The following VXN variants were observed in gnomAD, a reference collection of about 807,000 sequenced individuals.
VXN encodes the protein uncharacterized protein C8orf46.
In VXN, 7 loss-of-function variants were observed where a neutral mutation model predicts 23.1. The observed-to-expected ratio is 0.30, with a 90% CI of 0.17 to 0.57. The LOEUF (loss-of-function observed/expected upper bound fraction) is 0.57, where lower values mean the gene tolerates loss of function less well. Ranked by LOEUF, VXN falls within the 20% of genes least tolerant of loss-of-function variation. The pLI, the probability that VXN is intolerant of heterozygous loss-of-function variation, is 0.91. For synonymous variants in VXN, 120 were observed against 105.8 expected (o/e 1.13, Z -0.83); for missense variants, 238 against 272.6 (o/e 0.87, Z 0.89).
At chr8:66,495,442 T>A (rs1466784665) in intron 1 of VXN, among the ~76,000 whole-genome samples, 10 of 152,208 alleles carry the variant, frequency 6.6e-5, no homozygotes, top group African/African-American at 2.4e-4. Flanking sequence ...AAACAACTTA[T>A]CTTCCAGGAT....
In VXN at chr8:66,500,304, C is replaced by A. The variant is rs547509679; in HGVS notation, c.126+3812C>A. Among the ~76,000 whole-genome samples the A allele has an allele frequency of 2.6e-5, 4 of 152,268 alleles. No individual in the cohort carries two copies. The South Asian group carries it at 6.2e-4, about 24-fold the overall frequency. The stretch of plus-strand genomic sequence containing the variant: ...TTTATAGCCACTGACAAATTCCTAG[C>A]AATTACATTTTAAAATACCTTTTCC... On this transcript the variant is annotated intron_variant, in intron 2 of 5. Transcript: ENST00000305454.
At chr8:66,494,804 C>T (rs1181187036) in intron 1 of VXN, 1 of 152,162 alleles carries the variant, frequency 6.6e-6, no homozygotes, top group African/African-American at 2.4e-5. Context: ...GGTGGAACTC[C>T]TCTTACCCCT....
At chr8:66,506,500 T>C (rs983918395) in intron 3 of VXN, among the ~76,000 whole-genome samples, 2 of 152,106 alleles carry the variant, frequency 1.3e-5, no homozygotes, top group African/African-American at 4.8e-5. Flanking sequence ...ATTGTGCCTT[T>C]AATTGCTGGT....
Position 66,517,056 on chromosome 8 carries a change from T to G in VXN, c.*980T>G, listed in dbSNP as rs1259057642. On this transcript the variant is annotated 3_prime_UTR_variant, in exon 6 of 6. Coordinates refer to ENST00000305454, the MANE Select transcript of VXN (RefSeq NM_152765.4). ...TGTTGGAACAAGTAAGGGATTTGAA[T>G]GAAATACACTATTATATCTTATATG... The G allele has an allele frequency of 6.6e-6, 1 of 152,230 alleles. No homozygotes were observed. The highest frequency in any genetic ancestry group is 1.5e-5 in the Non-Finnish European group (1 of 68,042). 9.4% of individuals were successfully genotyped at this position (152,230 alleles called of 1,614,324 possible). A position where few individuals can be genotyped will look rare whatever the true frequency, so the allele number is the denominator to read the frequency against.
intron 5 of VXN, among the ~76,000 whole-genome samples, chr8:66,514,655 C>T (rs1284210418): frequency 6.6e-6 from 1 of 152,176 alleles, no homozygotes; most frequent in African/African-American, 2.4e-5. Flanking sequence ...GTCTCAAACT[C>T]CTGACCTCAA....
chr8:66,507,331 G>A (rs749714287), intron 3 of VXN, among the ~76,000 whole-genome samples: 7 of 152,024 alleles, frequency 4.6e-5, no homozygotes, highest in East Asian at 1.9e-4. Flanking sequence ...CACTGCCTCC[G>A]CCCCACGTGA....
intron 3 of VXN, among the ~76,000 whole-genome samples, chr8:66,507,541 T>G (rs1162602710): frequency 1.3e-5 from 2 of 152,210 alleles, no homozygotes; most frequent in African/African-American, 4.8e-5. Context: ...TCTTTCCAAC[T>G]GTCGAGTTTT....
At chr8:66,494,617 T>G (rs1444826482) in intron 1 of VXN, 1 of 152,168 alleles carries the variant, frequency 6.6e-6, no homozygotes, top group Non-Finnish European at 1.5e-5. Context: ...AGGGAGAGAT[T>G]CCGTTTGGCC....
chr8:66,515,835 A>C, intron 5 of VXN, 58 bp from the exon 6 acceptor site: 1 of 1,449,074 alleles, frequency 6.9e-7, no homozygotes, highest in Non-Finnish European at 9.2e-7. Flanking sequence ...TAAGGGCAAA[A>C]ATGAAGTTTG....
rs1807764589 is a variant in VXN at position 66,506,810 on chromosome 8, T to C, written c.280+1282T>C. 1.3e-5 allele frequency among the ~76,000 whole-genome samples: 2 copies of C among 148,932 alleles called. 1 individual carries two copies. Among genetic ancestry groups the C allele is most frequent in the Admixed American group, 1.4e-4 (2 of 14,416 alleles). On this transcript the variant is annotated intron_variant, in intron 3 of 5. Transcript: ENST00000305454. ...TCAAGCTATATTCTCTATTAAGTGG[T>C]TACATACACATATATGTATGCAGAG...
At chr8:66,512,899 C>T (rs944696667) in intron 4 of VXN, among the ~76,000 whole-genome samples, 11 of 152,166 alleles carry the variant, frequency 7.2e-5, no homozygotes, top group East Asian at 5.8e-4. Context: ...AGATAGAGGG[C>T]GTCCTGTGCT....
intron 4 of VXN, among the ~76,000 whole-genome samples, chr8:66,511,216 C>T (rs1458561151): frequency 1.3e-5 from 2 of 152,130 alleles, no homozygotes; most frequent in Admixed American, 6.5e-5. Context: ...GCAGGAATGT[C>T]GGGTTCCCTC....
chr8:66,507,545 G>A (rs894513608), intron 3 of VXN, among the ~76,000 whole-genome samples: 3 of 152,272 alleles, frequency 2.0e-5, no homozygotes, highest in Middle Eastern at 3.4e-3. Context: ...TCCAACTGTC[G>A]AGTTTTAAGG....
At chr8:66,493,751 C>T in intron 1 of VXN, 33 bp downstream of exon 1, 1 of 1,581,698 alleles carries the variant, frequency 6.3e-7, no homozygotes, top group Non-Finnish European at 8.7e-7. Flanking sequence ...GTTTCCTTAA[C>T]GTGGCATCTT....
Position 66,515,937 on chromosome 8 carries a change from C to A in VXN, c.485C>A (p.Pro162His). 1 of 1,613,344 alleles carries A rather than the reference C, an allele frequency of 6.2e-7. No homozygotes were observed. The highest frequency in any genetic ancestry group is 8.5e-7 in the Non-Finnish European group (1 of 1,179,700). Residue 162 changes from proline to histidine, a missense_variant, in exon 6 of 6, where the codon CCC (proline) becomes CAC (histidine). By Grantham distance (77) the Pro-to-His change is moderately conservative (BLOSUM62 -2). This residue lies in a region of VXN where 223 missense variants were observed against 236.9 expected (regional missense o/e 0.94). Coordinates refer to ENST00000305454, the MANE Select transcript of VXN (RefSeq NM_152765.4). ...ATGACTGAAGAGTATCCAGCCCTTCCCCAAGGAGCAGAAGCCTCTCTACCA... is the reference window on the plus strand; with the variant it reads ...ATGACTGAAGAGTATCCAGCCCTTCACCAAGGAGCAGAAGCCTCTCTACCA... ...KKMTEEYPALPQGAEASLPLT... is the reference protein window; with the variant it reads ...KKMTEEYPALHQGAEASLPLT...
intron 2 of VXN, among the ~76,000 whole-genome samples, chr8:66,500,445 T>C (rs1295981170): frequency 6.6e-6 from 1 of 152,248 alleles, no homozygotes; most frequent in African/African-American, 2.4e-5. Context: ...TCTTCATCTT[T>C]TCATAGATGT....
intron 5 of VXN, chr8:66,514,220 C>T (rs1002882413): frequency 2.6e-5 from 4 of 152,450 alleles, no homozygotes; most frequent in African/African-American, 9.7e-5. Context: ...ACTACATCCT[C>T]CACACCGCAG....
In VXN at chr8:66,507,715, A is replaced by AAG. The variant is rs140791519; in HGVS notation, c.280+2203_280+2204dup. Reference sequence around the variant, plus strand: ...AAATATGCCAGCGAGGTTTCAAAAAAAGAGAGAGAGAGAGAGACTGAGCTG... The same window carrying AAG: ...AAATATGCCAGCGAGGTTTCAAAAAAAGAGAGAGAGAGAGAGAGACTGAGCTG... On this transcript the variant is annotated intron_variant, in intron 3 of 5. Coordinates refer to ENST00000305454, the MANE Select transcript of VXN (RefSeq NM_152765.4). Among the ~76,000 whole-genome samples the AAG allele has an allele frequency of 2.7e-3, 410 of 151,230 alleles. 2 individuals are homozygous for AAG. Among genetic ancestry groups the AAG allele is most frequent in the Middle Eastern group, 0.014 (4 of 294 alleles).
chr8:66,513,418 A>G (rs1487022329), intron 4 of VXN, 122 bp from the exon 5 acceptor site: 1 of 832,370 alleles, frequency 1.2e-6, no homozygotes, highest in Non-Finnish European at 2.1e-6. Context: ...CTGCTGAATG[A>G]TGAGGACTAT....
Sources: gnomAD v4.1 joint callset for allele counts (sites outside exome capture counted in the v4.1 genomes callset) on GRCh38, gnomAD v4.1.1 for gene constraint, gnomAD v4.1.1 regional missense constraint, MANE v1.5 for transcripts, NCBI Gene and HGNC (gene_info 2026-07-23, HGNC 2026-07-21) for gene names.